The following GPC5 variants were observed in gnomAD, a reference collection of about 807,000 sequenced individuals.
GPC5 encodes glypican 5.
Under a neutral mutation model 53.9 loss-of-function variants are expected in GPC5, and 47 were observed. That is an observed-to-expected ratio of 0.87 (90% CI 0.69 to 1.11). The LOEUF (loss-of-function observed/expected upper bound fraction) is 1.11, where lower values mean the gene tolerates loss of function less well. Ranked by LOEUF, GPC5 falls within the 50% of genes most tolerant of loss-of-function variation. The pLI, the probability that GPC5 is intolerant of heterozygous loss-of-function variation, is 0.00. For missense variants in GPC5, 748 were observed against 713.1 expected, an observed-to-expected ratio of 1.05 and a Z score of -0.56; for synonymous variants, 286 against 263.3, an observed-to-expected ratio of 1.09 and a Z score of -0.84.
chr13:92,052,869 T>A (rs1474163960), intron 6 of GPC5, among the ~76,000 whole-genome samples: 1 of 152,062 alleles, frequency 6.6e-6, no homozygotes, highest in African/African-American at 2.4e-5. Context: ...TCAAGGGAAC[T>A]GTAGGAAGAA....
At chr13:91,953,436 G>A (rs1351944664) in intron 6 of GPC5, among the ~76,000 whole-genome samples, 23 of 152,028 alleles carry the variant, frequency 1.5e-4, no homozygotes. Flanking sequence ...AATTGTAGTA[G>A]CTACCGAGTA....
Position 92,855,520 on chromosome 13 carries a change from G to T in GPC5, c.1562-10762G>T, listed in dbSNP as rs552738612. On this transcript the variant is annotated intron_variant, in intron 7 of 7. Transcript: ENST00000377067. ...TTAATAGACAGTTACTTAGATGCTT[G>T]TCAGTTACCTTGATCACTATTACAA... Among the ~76,000 whole-genome samples, 117 of 151,840 alleles carry T rather than the reference G, an allele frequency of 7.7e-4. 1 individual carries two copies. Among genetic ancestry groups the T allele is most frequent in the Non-Finnish European group, 3.2e-4 (22 of 67,864 alleles).
chr13:92,633,618 GTTT>G (rs1885326486), intron 7 of GPC5, among the ~76,000 whole-genome samples: 1 of 151,924 alleles, frequency 6.6e-6, no homozygotes, highest in African/African-American at 2.4e-5. Context: ...CATTCTGAAA[GTTT>G]TTGTTATAAT....
chr13:91,439,495 C>T (rs1880259522), intron 1 of GPC5, among the ~76,000 whole-genome samples: 2 of 152,222 alleles, frequency 1.3e-5, no homozygotes, highest in African/African-American at 4.8e-5. Context: ...TTTCAATCTG[C>T]ATCTTTTTCC....
intron 5 of GPC5, among the ~76,000 whole-genome samples, chr13:91,812,655 A>G (rs930642773): frequency 2.6e-5 from 4 of 152,130 alleles, no homozygotes; most frequent in Admixed American, 1.3e-4. Context: ...ATTCTTCAGT[A>G]TTTCACAGTT....
At chr13:92,064,937 AAAC>A (rs1046033722) in intron 6 of GPC5, among the ~76,000 whole-genome samples, 2 of 151,976 alleles carry the variant, frequency 1.3e-5, no homozygotes, top group Admixed American at 6.6e-5. Flanking sequence ...GAGAGCATGA[AAAC>A]AACAATTAAA....
At chr13:91,571,654 G>A (rs1462233968) in intron 2 of GPC5, among the ~76,000 whole-genome samples, 1 of 151,582 alleles carries the variant, frequency 6.6e-6, no homozygotes, top group Admixed American at 6.6e-5. Flanking sequence ...GAGCCCAGGA[G>A]GTGGAAATTG....
At chr13:91,862,679 A>G (rs1307565688) in intron 5 of GPC5, among the ~76,000 whole-genome samples, 1 of 151,920 alleles carries the variant, frequency 6.6e-6, no homozygotes, top group Non-Finnish European at 1.5e-5. Context: ...TGTGACATAC[A>G]CACACACACA....
intron 6 of GPC5, among the ~76,000 whole-genome samples, chr13:91,916,938 G>T (rs1023907641): frequency 6.6e-6 from 1 of 152,158 alleles, no homozygotes; most frequent in African/African-American, 2.4e-5. Context: ...TTTGGGTGGA[G>T]ACACAGCCAA....
intron 7 of GPC5, among the ~76,000 whole-genome samples, chr13:92,233,596 T>C (rs141726119): frequency 2.8e-4 from 42 of 152,352 alleles, no homozygotes; most frequent in African/African-American, 1.0e-3. Context: ...TGGTGCTATA[T>C]GCATTATTCT....
intron 4 of GPC5, among the ~76,000 whole-genome samples, chr13:91,750,862 A>G (rs2037160516): frequency 6.6e-6 from 1 of 151,822 alleles, no homozygotes; most frequent in South Asian, 2.1e-4. Context: ...GGGTTTCTCC[A>G]TGTTGGTCAG....
At chr13:92,104,334 A>C (rs2041490864) in intron 6 of GPC5, among the ~76,000 whole-genome samples, 1 of 152,176 alleles carries the variant, frequency 6.6e-6, no homozygotes, top group African/African-American at 2.4e-5. Flanking sequence ...TTCTTGAAGA[A>C]ATGCTCTTCA....
chr13:91,734,879 A>AT (rs34784922), intron 4 of GPC5, among the ~76,000 whole-genome samples: 40,134 of 149,404 alleles, frequency 0.27, 5,946 homozygotes, highest in East Asian at 0.33. Context: ...CCATATTTCT[A>AT]TTTTTTTTCT....
intron 1 of GPC5, among the ~76,000 whole-genome samples, chr13:91,428,175 A>G (rs1021542901): frequency 2.0e-5 from 3 of 152,034 alleles, no homozygotes; most frequent in Admixed American, 1.3e-4. Flanking sequence ...CAGCTCCTTC[A>G]CTCCCACAGT....
chr13:91,874,677 A>G (rs1271106358), intron 5 of GPC5, among the ~76,000 whole-genome samples: 1 of 152,218 alleles, frequency 6.6e-6, no homozygotes, highest in African/African-American at 2.4e-5. Context: ...AGCTTAGGCA[A>G]GAAATAAGGC....
intron 7 of GPC5, among the ~76,000 whole-genome samples, chr13:92,801,389 G>A (rs913731253): frequency 6.6e-6 from 1 of 151,702 alleles, no homozygotes; most frequent in South Asian, 2.1e-4. Flanking sequence ...TGTTTGTGGC[G>A]ATGCTGGTGT....
In GPC5 at chr13:91,560,826, T is replaced by G. The variant is rs189880925; in HGVS notation, c.325+111904T>G. The stretch of plus-strand genomic sequence containing the variant: ...GAAGAACCAGTAGCCAAAAGCAGCT[T>G]GAGTCACCACAGTGGAGAGTTCTGA... On this transcript the variant is annotated intron_variant, in intron 2 of 7. Transcript: ENST00000377067. 5.9e-5 allele frequency among the ~76,000 whole-genome samples: 9 copies of G among 152,220 alleles called. No homozygotes were observed. In the East Asian group the frequency reaches 1.7e-3, roughly 29 times the overall value.
chr13:91,756,758 A>G (rs1475657955), intron 5 of GPC5, among the ~76,000 whole-genome samples: 1 of 152,058 alleles, frequency 6.6e-6, no homozygotes, highest in Non-Finnish European at 1.5e-5. Flanking sequence ...GTTTAAATTC[A>G]TGAGTATTAG....
chr13:92,529,718 C>A (rs1345596582), intron 7 of GPC5, among the ~76,000 whole-genome samples: 1 of 152,074 alleles, frequency 6.6e-6, no homozygotes, highest in African/African-American at 2.4e-5. Flanking sequence ...TTTACAAATA[C>A]AACACAAATA....
Sources: gnomAD v4.1 joint callset for allele counts (sites outside exome capture counted in the v4.1 genomes callset) on GRCh38, gnomAD v4.1.1 for gene constraint, MANE v1.5 for transcripts, NCBI Gene and HGNC (gene_info 2026-07-23, HGNC 2026-07-21) for gene names.